SEMA6A: variants seen among roughly 807,000 people sequenced by gnomAD.
SEMA6A encodes semaphorin 6A.
Under a neutral mutation model 96.8 loss-of-function variants are expected in SEMA6A, and 25 were observed. That is an observed-to-expected ratio of 0.26 (90% CI 0.19 to 0.36). SEMA6A has a LOEUF of 0.36. Among genes scored for constraint, SEMA6A ranks in the 10% least tolerant of loss-of-function variants. The probability of loss-of-function intolerance (pLI) is 1.00; values close to 1 mark genes in which losing one functional copy is unlikely to be tolerated. For synonymous variants in SEMA6A, 612 were observed against 518.0 expected, an observed-to-expected ratio of 1.18 and a Z score of -2.46; for missense variants, 1,363 against 1,323.1, an observed-to-expected ratio of 1.03 and a Z score of -0.47.
chr5:116,528,084 C>T (rs555679975), intron 1 of SEMA6A, among the ~76,000 whole-genome samples: 4 of 152,236 alleles, frequency 2.6e-5, no homozygotes, highest in Admixed American at 2.6e-4. Flanking sequence ...TTAGAACTCT[C>T]CAGGAACAGT....
chr5:116,562,568 C>T (rs1760859318), intron 1 of SEMA6A: 1 of 612,078 alleles, frequency 1.6e-6, no homozygotes. Context: ...AGAAATGGCA[C>T]CTCGAAAGGG....
chr5:116,528,370 A>C (rs1293761581), intron 1 of SEMA6A, among the ~76,000 whole-genome samples: 1 of 152,136 alleles, frequency 6.6e-6, no homozygotes, highest in East Asian at 1.9e-4. Context: ...TTGCTGACCA[A>C]TGCCTCCTGC....
intron 16 of SEMA6A, among the ~76,000 whole-genome samples, chr5:116,474,129 C>T (rs1756317265): frequency 6.6e-6 from 1 of 152,148 alleles, no homozygotes. Flanking sequence ...ACAGTACCAA[C>T]CATCTTTACA....
At chr5:116,565,534 A>G (rs1018809758) in intron 1 of SEMA6A, among the ~76,000 whole-genome samples, 1 of 152,166 alleles carries the variant, frequency 6.6e-6, no homozygotes, top group African/African-American at 2.4e-5. Context: ...ATAAAAATCA[A>G]CTCCACTGCC....
chr5:116,572,494 C>G (rs1761262788), intron 1 of SEMA6A, among the ~76,000 whole-genome samples: 1 of 152,194 alleles, frequency 6.6e-6, no homozygotes, highest in African/African-American at 2.4e-5. Flanking sequence ...TCCCGCTCCA[C>G]GCACACCTGG....
At chr5:116,560,747 C>T (rs922815090) in intron 1 of SEMA6A, among the ~76,000 whole-genome samples, 1 of 151,978 alleles carries the variant, frequency 6.6e-6, no homozygotes, top group Non-Finnish European at 1.5e-5. Context: ...AATCACCTAC[C>T]ATTTGCCATT....
intron 1 of SEMA6A, among the ~76,000 whole-genome samples, chr5:116,533,435 TTGAC>T (rs1251913388): frequency 6.6e-6 from 1 of 152,174 alleles, no homozygotes; most frequent in East Asian, 1.9e-4. Flanking sequence ...CAGTAAAACT[TTGAC>T]TAACTAGAAT....
chr5:116,489,489 G>C (rs1757230996), intron 7 of SEMA6A, among the ~76,000 whole-genome samples: 1 of 152,180 alleles, frequency 6.6e-6, no homozygotes, highest in South Asian at 2.1e-4. Flanking sequence ...GTTGAAGAGA[G>C]AGGGTTCATA....
At position 116,446,772 on chromosome 5, in the gene SEMA6A, G is replaced by C. The variant is rs564690645; in HGVS notation, c.2934C>G (p.Gly978=). ...SIQVHSSQPS[G]QAVTVSRQPS... ...GCTGCCTCGAGACAGTCACGGCCTG[G>C]CCAGATGGCTGGGAGCTGTGCACCT... The change falls in exon 19 of 19, where the codon GGC becomes GGG. Residue 978 remains glycine, a synonymous_variant. Coordinates refer to ENST00000343348, the MANE Select transcript of SEMA6A (RefSeq NM_020796.5). 1 of 1,611,398 alleles carries C rather than the reference G, an allele frequency of 6.2e-7. No individual in the cohort carries two copies. The highest frequency in any genetic ancestry group is 2.2e-5 in the East Asian group (1 of 44,806).
chr5:116,458,855 A>G (rs1755184721), intron 18 of SEMA6A, among the ~76,000 whole-genome samples: 1 of 152,136 alleles, frequency 6.6e-6, no homozygotes. Context: ...TACTGAAAGA[A>G]CAATTACAGC....
chr5:116,487,845 C>T (rs758230271), intron 9 of SEMA6A, among the ~76,000 whole-genome samples: 1 of 152,158 alleles, frequency 6.6e-6, no homozygotes, highest in African/African-American at 2.4e-5. Flanking sequence ...GCCTGGGCAA[C>T]TGAGTAAGAC....
rs144746542 is a variant in SEMA6A, at chr5:116,467,808, G to A, written c.1730-61C>T. On this transcript the variant is annotated intron_variant, in intron 17 of 18. Transcript: ENST00000343348. ...CCAGAGAGACCCACATTCCCTTTGCGCAGAGGCCTGGAGGTGGGACACCCA... is the reference window on the plus strand; with the variant it reads ...CCAGAGAGACCCACATTCCCTTTGCACAGAGGCCTGGAGGTGGGACACCCA... 745 of 1,573,308 alleles carry A rather than the reference G, an allele frequency of 4.7e-4. 5 individuals are homozygous for A. Among genetic ancestry groups the A allele is most frequent in the African/African-American group, 4.1e-3 (308 of 74,324 alleles).
At chr5:116,495,734 T>G (rs1757566045) in intron 5 of SEMA6A, 3 of 479,448 alleles carry the variant, frequency 6.3e-6, no homozygotes, top group Non-Finnish European at 1.1e-5. Context: ...AATGGAAGAT[T>G]GTGTGTTTAT....
chr5:116,561,928 A>G (rs1206187440), intron 1 of SEMA6A, among the ~76,000 whole-genome samples: 2 of 152,098 alleles, frequency 1.3e-5, no homozygotes, highest in Admixed American at 6.6e-5. Context: ...ACTTTTTAAT[A>G]GAAACCTTTC....
At chr5:116,459,800 G>A (rs1160543939) in intron 18 of SEMA6A, among the ~76,000 whole-genome samples, 1 of 151,910 alleles carries the variant, frequency 6.6e-6, no homozygotes, top group Non-Finnish European at 1.5e-5. Context: ...ATCACCTTTG[G>A]GTATCCCTCA....
intron 17 of SEMA6A, among the ~76,000 whole-genome samples, chr5:116,470,213 A>T (rs571920589): frequency 6.6e-6 from 1 of 152,328 alleles, no homozygotes; most frequent in South Asian, 2.1e-4. Flanking sequence ...AAAAATTACA[A>T]GGAAACCACT....
At chr5:116,455,483 T>C (rs994241803) in intron 18 of SEMA6A, among the ~76,000 whole-genome samples, 4 of 152,218 alleles carry the variant, frequency 2.6e-5, no homozygotes, top group African/African-American at 9.6e-5. Context: ...CTAAGTGATT[T>C]CTAAAACCAG....
intron 8 of SEMA6A, 82 bp downstream of exon 8, chr5:116,488,806 C>G: frequency 7.0e-7 from 1 of 1,420,846 alleles, no homozygotes; most frequent in Non-Finnish European, 9.3e-7. Flanking sequence ...AAGATACAGT[C>G]TGGTCCCTCC....
intron 1 of SEMA6A, among the ~76,000 whole-genome samples, chr5:116,532,742 TTA>T (rs921935955): frequency 2.0e-4 from 31 of 152,276 alleles, no homozygotes; most frequent in African/African-American, 7.0e-4. Flanking sequence ...CAGTAAAGAC[TTA>T]TCGGTACTGG....
Sources: gnomAD v4.1 joint callset for allele counts (sites outside exome capture counted in the v4.1 genomes callset) on GRCh38, gnomAD v4.1.1 for gene constraint, MANE v1.5 for transcripts, NCBI Gene and HGNC (gene_info 2026-07-23, HGNC 2026-07-21) for gene names.